DCC: variants seen among roughly 807,000 people sequenced by gnomAD.
DCC encodes netrin receptor DCC.
Under a neutral mutation model 172.5 loss-of-function variants are expected in DCC, and 58 were observed. That is an observed-to-expected ratio of 0.34 (90% confidence interval 0.27 to 0.42). DCC has a LOEUF of 0.42. Ranked by LOEUF, DCC falls within the 10% of genes least tolerant of loss-of-function variation. The pLI is 1.00. For synonymous variants in DCC, 709 were observed against 644.5 expected, an observed-to-expected ratio of 1.10 and a Z score of -1.52; for missense variants, 1,740 against 1,791.0, an observed-to-expected ratio of 0.97 and a Z score of 0.51.
In DCC at chr18:52,656,897, C is replaced by A. The variant is rs148523930; in HGVS notation, c.92-95157C>A. 2.6e-5 allele frequency among the ~76,000 whole-genome samples: 4 copies of A among 152,234 alleles called. 1 individual carries two copies. The highest frequency in any genetic ancestry group is 5.9e-5 in the Non-Finnish European group (4 of 68,018). On this transcript the variant is annotated intron_variant, in intron 1 of 28. Coordinates refer to ENST00000442544, the MANE Select transcript of DCC (RefSeq NM_005215.4). The stretch of plus-strand genomic sequence containing the variant: ...AAAAAAGTCAAAACATATGTCCCCA[C>A]CCAGATGGGTCAGAAATGTCGCCTT...
At chr18:52,960,642 C>T (rs1486041340) in intron 5 of DCC, among the ~76,000 whole-genome samples, 1 of 151,990 alleles carries the variant, frequency 6.6e-6, no homozygotes, top group African/African-American at 2.4e-5. Context: ...GATAGAGGAT[C>T]AAAGCGTACC....
chr18:53,092,827 A>T (rs2043033427), intron 7 of DCC, among the ~76,000 whole-genome samples: 1 of 152,122 alleles, frequency 6.6e-6, no homozygotes, highest in South Asian at 2.1e-4. Flanking sequence ...TGTATCATAG[A>T]CCCCGAAACA....
At chr18:52,363,951 G>A (rs1468527997) in intron 1 of DCC, among the ~76,000 whole-genome samples, 2 of 152,128 alleles carry the variant, frequency 1.3e-5, no homozygotes, top group Non-Finnish European at 2.9e-5. Flanking sequence ...CCTTCAGTCT[G>A]CCATCTACAC....
intron 2 of DCC, among the ~76,000 whole-genome samples, chr18:52,818,389 G>C (rs2038341840): frequency 7.2e-6 from 1 of 138,842 alleles, no homozygotes; most frequent in African/African-American, 2.8e-5. Flanking sequence ...TCCAGCCTCG[G>C]CAACAGAATG....
intron 2 of DCC, among the ~76,000 whole-genome samples, chr18:52,756,239 TGAA>T (rs57620873): frequency 0.21 from 31,265 of 152,090 alleles, 4,494 homozygotes; most frequent in African/African-American, 0.41. Context: ...TGAGAACAGC[TGAA>T]GAAGGGAAGC....
intron 12 of DCC, among the ~76,000 whole-genome samples, chr18:53,280,894 A>T (rs564274596): frequency 6.6e-6 from 1 of 152,256 alleles, no homozygotes; most frequent in African/African-American, 2.4e-5. Context: ...GTCATTTCAT[A>T]TGACCTAACC....
chr18:52,656,608 C>T (rs1245373036), intron 1 of DCC, among the ~76,000 whole-genome samples: 4 of 152,076 alleles, frequency 2.6e-5, no homozygotes, highest in Non-Finnish European at 4.4e-5. Flanking sequence ...AAGTGGTATC[C>T]CATGCTACGC....
At chr18:53,502,543 A>T (rs1406885468) in intron 27 of DCC, among the ~76,000 whole-genome samples, 7 of 152,216 alleles carry the variant, frequency 4.6e-5, no homozygotes, top group Admixed American at 4.6e-4. Context: ...AGAGCTTTCA[A>T]CAAGTTTTGA....
chr18:52,933,885 T>C (rs2040344733), intron 5 of DCC, among the ~76,000 whole-genome samples: 2 of 152,054 alleles, frequency 1.3e-5, no homozygotes, highest in Admixed American at 1.3e-4. Flanking sequence ...ACAATGATAA[T>C]TACTTTATCA....
chr18:53,155,756 G>A (rs902967753), intron 7 of DCC, among the ~76,000 whole-genome samples: 1 of 152,206 alleles, frequency 6.6e-6, no homozygotes, highest in Non-Finnish European at 1.5e-5. Context: ...GCTGGGAGAG[G>A]TGGCTCACGC....
chr18:52,589,908 AAG>A (rs1367892744), intron 1 of DCC, among the ~76,000 whole-genome samples: 1 of 152,218 alleles, frequency 6.6e-6, no homozygotes, highest in Non-Finnish European at 1.5e-5. Context: ...ATAAGGAGGA[AAG>A]AGAGATTCAC....
At chr18:53,103,965 G>T (rs2043209572) in intron 7 of DCC, among the ~76,000 whole-genome samples, 1 of 151,960 alleles carries the variant, frequency 6.6e-6, no homozygotes. Context: ...AATTTAAGGG[G>T]ATTCCAAAGC....
chr18:53,269,784 T>C (rs2056727228), intron 12 of DCC, among the ~76,000 whole-genome samples: 1 of 152,146 alleles, frequency 6.6e-6, no homozygotes, highest in African/African-American at 2.4e-5. Context: ...AATTGCACTC[T>C]AGAGTCTGGT....
rs1482470262 is a variant in DCC at position 53,090,246 on chromosome 18, GTTAT to G, written c.1261+24081_1261+24084del. On this transcript the variant is annotated intron_variant, in intron 7 of 28. Transcript: ENST00000442544. ...AACTGTATTTCTTTAAAGGCAAATA[GTTAT>G]CTACATTAAGTAGCAAATACAACTC... Among the ~76,000 whole-genome samples, 4 of 152,248 alleles carry G rather than the reference GTTAT, an allele frequency of 2.6e-5. No homozygotes were observed. In the East Asian group the frequency reaches 7.7e-4, roughly 29 times the overall value.
chr18:53,268,552 C>A (rs1199225178), intron 12 of DCC, among the ~76,000 whole-genome samples: 1 of 152,038 alleles, frequency 6.6e-6, no homozygotes, highest in Non-Finnish European at 1.5e-5. Context: ...GACTTCTCAG[C>A]CTTCAATTTT....
chr18:53,210,747 T>TA (rs1568367432), intron 11 of DCC, among the ~76,000 whole-genome samples: 1 of 152,146 alleles, frequency 6.6e-6, no homozygotes, highest in Non-Finnish European at 1.5e-5. Context: ...GAAAAATTTT[T>TA]AAAAAAGCAA....
intron 1 of DCC, among the ~76,000 whole-genome samples, chr18:52,403,210 G>A (rs1406447195): frequency 6.6e-6 from 1 of 152,040 alleles, no homozygotes; most frequent in Non-Finnish European, 1.5e-5. Context: ...CTACAAGTAA[G>A]CATTCAAAAG....
At chr18:52,602,075 A>G (rs540486670) in intron 1 of DCC, among the ~76,000 whole-genome samples, 1 of 152,248 alleles carries the variant, frequency 6.6e-6, no homozygotes, top group African/African-American at 2.4e-5. Flanking sequence ...AAGTGTGTAC[A>G]TGTGAATCTA....
intron 2 of DCC, among the ~76,000 whole-genome samples, chr18:52,792,099 T>C (rs191693693): frequency 6.6e-6 from 1 of 152,168 alleles, no homozygotes; most frequent in African/African-American, 2.4e-5. Context: ...ATGTGCCTCA[T>C]GGAGAGAGTA....
Sources: gnomAD v4.1 joint callset for allele counts (sites outside exome capture counted in the v4.1 genomes callset) on GRCh38, gnomAD v4.1.1 for gene constraint, MANE v1.5 for transcripts, NCBI Gene and HGNC (gene_info 2026-07-23, HGNC 2026-07-21) for gene names.